Variants in KLRG2 observed in about 807,000 individuals in gnomAD.
The protein encoded by KLRG2 is killer cell lectin-like receptor subfamily G member 2.
In KLRG2, 39 loss-of-function variants were observed where a neutral mutation model predicts 35.4. The observed-to-expected ratio is 1.10, with a 90% confidence interval of 0.85 to 1.44. KLRG2 has a LOEUF of 1.44. Ranked by LOEUF, KLRG2 falls within the 40% of genes most tolerant of loss-of-function variation. The probability of loss-of-function intolerance (pLI) is 0.00; values close to 1 mark genes in which losing one functional copy is unlikely to be tolerated. For missense variants in KLRG2, 632 were observed against 570.9 expected, an observed-to-expected ratio of 1.11 and a Z score of -1.09; for synonymous variants, 283 against 265.8, an observed-to-expected ratio of 1.06 and a Z score of -0.63.
the KLRG2 span, among the ~76,000 whole-genome samples, chr7:139,429,386 C>CTT: frequency 6.9e-6 from 1 of 144,102 alleles, no homozygotes; most frequent in Admixed American, 6.8e-5. Context: ...TTTTCTTTTT[C>CTT]TTTTTTTTTT....
the KLRG2 span, among the ~76,000 whole-genome samples, chr7:139,427,410 C>T: frequency 6.6e-6 from 1 of 152,286 alleles, no homozygotes; most frequent in East Asian, 1.9e-4. Flanking sequence ...CAGAATTGGG[C>T]TGTCAGTCAA....
chr7:139,471,191 A>G (rs1796748661), intron 3 of KLRG2, among the ~76,000 whole-genome samples: 1 of 152,154 alleles, frequency 6.6e-6, no homozygotes, highest in South Asian at 2.1e-4. Context: ...CATAGAAAAA[A>G]GCCTGGAAGT....
the KLRG2 span, among the ~76,000 whole-genome samples, chr7:139,443,386 C>T: frequency 6.6e-6 from 1 of 151,868 alleles, no homozygotes; most frequent in Non-Finnish European, 1.5e-5. Context: ...GGCACCTGGC[C>T]AGGGAAGATA....
At chr7:139,466,884 A>G (rs953858751) in intron 3 of KLRG2, among the ~76,000 whole-genome samples, 4 of 151,132 alleles carry the variant, frequency 2.6e-5, no homozygotes, top group Non-Finnish European at 5.9e-5. Context: ...AAACTTGCCA[A>G]CCAAGCAAGT....
At chr7:139,449,686 C>T (rs188918973), downstream of KLRG2, among the ~76,000 whole-genome samples, 354 of 148,510 alleles carry the variant, frequency 2.4e-3, 2 homozygotes, top group African/African-American at 8.6e-3. Context: ...TCCTCTATAT[C>T]CTTATTCTTT....
the KLRG2 span, among the ~76,000 whole-genome samples, chr7:139,446,622 T>C: frequency 6.6e-6 from 1 of 152,122 alleles, no homozygotes; most frequent in East Asian, 1.9e-4. Context: ...ATTACAGGCG[T>C]GAGCCACCGC....
At chr7:139,468,182 AC>A (rs1464986222) in intron 3 of KLRG2, among the ~76,000 whole-genome samples, 1 of 152,178 alleles carries the variant, frequency 6.6e-6, no homozygotes, top group East Asian at 1.9e-4. Flanking sequence ...TCTCCGAGAA[AC>A]ACCCAAGAAT....
At position 139,483,108 on chromosome 7, in the gene KLRG2, C is replaced by G; in HGVS notation, c.535G>C (p.Gly179Arg). ...GGCGAGCGGCGGCCCCACGTGCCGC[C>G]CTGGGATGGTGCGCGCAGCAGGAGC... Reference protein sequence around the residue: ...HQLLLRAPSQGGTWGRRSPLA... With the variant: ...HQLLLRAPSQRGTWGRRSPLA... Residue 179 changes from glycine to arginine, a missense_variant, in exon 1 of 5, where the codon GGC becomes CGC. Physicochemically the swap from Gly to Arg is moderately radical, Grantham distance 125. Transcript: ENST00000340940. The G allele has an allele frequency of 6.8e-7, 1 of 1,471,420 alleles. No individual in the cohort carries two copies. Among genetic ancestry groups the G allele is most frequent in the Non-Finnish European group, 8.9e-7 (1 of 1,120,138 alleles). 91.1% of individuals were successfully genotyped at this position (1,471,420 alleles called of 1,614,324 possible).
intron 2 of KLRG2, 117 bp from the exon 3 acceptor site, chr7:139,479,889 C>T (rs1034672684): frequency 7.4e-6 from 9 of 1,218,474 alleles, no homozygotes; most frequent in Non-Finnish European, 9.1e-6. Flanking sequence ...TGGGCAGGGC[C>T]CCAGGGAGCT....
intron 3 of KLRG2, among the ~76,000 whole-genome samples, chr7:139,477,810 T>G (rs1429950468): frequency 1.3e-5 from 2 of 151,966 alleles, no homozygotes; most frequent in Admixed American, 6.6e-5. Context: ...CCAGGCCGGA[T>G]TGCAGTGGCA....
At chr7:139,478,253 C>T (rs1008343659) in intron 3 of KLRG2, among the ~76,000 whole-genome samples, 7 of 151,574 alleles carry the variant, frequency 4.6e-5, no homozygotes, top group Admixed American at 2.0e-4. Context: ...GTAGTCCTTG[C>T]TATTCAGGAG....
Position 139,469,513 on chromosome 7 carries a change from T to C in KLRG2, c.1005+10114A>G, listed in dbSNP as rs1796721793. On this transcript the variant is annotated intron_variant, in intron 3 of 4. Coordinates refer to ENST00000340940, the MANE Select transcript of KLRG2 (RefSeq NM_198508.4). ...CGCTCCGTCACCCAGTAGCGCGATCTCGGCTCACTGCAACCTCCGCCTCCT... is the reference window on the plus strand; with the variant it reads ...CGCTCCGTCACCCAGTAGCGCGATCCCGGCTCACTGCAACCTCCGCCTCCT... Among the ~76,000 whole-genome samples the C allele has an allele frequency of 2.6e-5, 4 of 152,024 alleles. No individual in the cohort carries two copies. In the South Asian group the frequency reaches 8.3e-4, roughly 32 times the overall value.
chr7:139,456,244 T>C (rs1490365517), intron 3 of KLRG2, among the ~76,000 whole-genome samples: 2 of 152,232 alleles, frequency 1.3e-5, no homozygotes, highest in Non-Finnish European at 2.9e-5. Flanking sequence ...TCAGAACTGA[T>C]TTAAAGGTGG....
chr7:139,446,336 GTTTTTT>G, the KLRG2 span, among the ~76,000 whole-genome samples: 2 of 92,050 alleles, frequency 2.2e-5, no homozygotes, highest in Admixed American at 1.5e-4. Context: ...ATTTTCCAGG[GTTTTTT>G]TTTTTTTTTT....
rs754267273 is a variant in KLRG2, at chr7:139,470,261, T to C, written c.1005+9366A>G. Among the ~76,000 whole-genome samples the C allele has an allele frequency of 2.7e-4, 41 of 152,086 alleles. 1 individual carries two copies. Among genetic ancestry groups the C allele is most frequent in the Non-Finnish European group, 5.7e-4 (39 of 68,010 alleles). On this transcript the variant is annotated intron_variant, in intron 3 of 4. Transcript: ENST00000340940. ...TTTTAATAAAGACGGGATTTCACCATGTTGGCCAGGATGGTCTCGATCTCC... is the reference window on the plus strand; with the variant it reads ...TTTTAATAAAGACGGGATTTCACCACGTTGGCCAGGATGGTCTCGATCTCC...
At chr7:139,433,887 C>T in the KLRG2 span, among the ~76,000 whole-genome samples, 19 of 151,908 alleles carry the variant, frequency 1.3e-4, no homozygotes, top group South Asian at 4.2e-4. Flanking sequence ...TCCCCCGCCT[C>T]GGCCTCCCAA....
chr7:139,479,506 T>C, intron 3 of KLRG2, 121 bp downstream of exon 3: 2 of 1,029,046 alleles, frequency 1.9e-6, no homozygotes, highest in Non-Finnish European at 2.9e-6. Context: ...ATGCTACTCC[T>C]CTACACCTTG....
intron 3 of KLRG2, among the ~76,000 whole-genome samples, chr7:139,466,934 T>TC (rs1425536680): frequency 1.3e-5 from 2 of 152,078 alleles, no homozygotes; most frequent in Non-Finnish European, 2.9e-5. Context: ...TAATTGGATG[T>TC]CCTGGGCCCT....
chr7:139,447,402 C>CTTTT, the KLRG2 span, among the ~76,000 whole-genome samples: 4 of 136,954 alleles, frequency 2.9e-5, no homozygotes, highest in Admixed American at 7.4e-5. Context: ...TTGGGTCATT[C>CTTTT]TTTTTTTTTT....
Sources: gnomAD v4.1 joint callset for allele counts (sites outside exome capture counted in the v4.1 genomes callset) on GRCh38, gnomAD v4.1.1 for gene constraint, MANE v1.5 for transcripts, NCBI Gene and HGNC (gene_info 2026-07-23, HGNC 2026-07-21) for gene names.